The following SUPV3L1 variants were observed in gnomAD, a reference collection of about 807,000 sequenced individuals.
SUPV3L1 encodes the protein ATP-dependent RNA helicase SUPV3L1, mitochondrial.
SUPV3L1 carries 35 observed loss-of-function variants against 70.0 expected under a neutral mutation model. The ratio of observed to expected loss-of-function variants is 0.50; its 90% CI spans 0.38 to 0.66. The LOEUF is 0.66. Among genes scored for constraint, SUPV3L1 ranks in the 30% least tolerant of loss-of-function variants. The probability of loss-of-function intolerance (pLI) is 0.00; values close to 1 mark genes in which losing one functional copy is unlikely to be tolerated. For missense variants in SUPV3L1, 777 were observed against 961.5 expected (o/e 0.81, Z 2.54); for synonymous variants, 364 against 341.9 (o/e 1.06, Z -0.71).
At position 69,180,254 on chromosome 10, in the gene SUPV3L1, CCG is replaced by C. The variant is rs1842007589; in HGVS notation, c.-35_-34del. 6.3e-7 allele frequency: 1 copy of C among 1,588,246 alleles called. No individual in the cohort carries two copies. Among genetic ancestry groups the C allele is most frequent in the Non-Finnish European group, 8.6e-7 (1 of 1,165,236 alleles). ...TGCGCGTCACTGTCCGCCGCCGTGT[CCG>C]CGGCTGCGCCAGACAGTGTAGAACC... On this transcript the variant is annotated 5_prime_UTR_variant, in exon 1 of 15. Coordinates refer to ENST00000359655, the MANE Select transcript of SUPV3L1 (RefSeq NM_003171.5).
intron 8 of SUPV3L1, 110 bp from the exon 9 acceptor site, chr10:69,198,262 C>T (rs1842593643): frequency 1.1e-6 from 1 of 878,632 alleles, no homozygotes; most frequent in Middle Eastern, 2.5e-4. Flanking sequence ...AACATTGGTA[C>T]TTATCAGTTT....
Position 69,180,235 on chromosome 10 carries a change from T to C in SUPV3L1, c.-57T>C. ...GGACAGCAGGCGCTGGAGGTGCGCG[T>C]CACTGTCCGCCGCCGTGTCCGCGGC... On this transcript the variant is annotated 5_prime_UTR_variant, in exon 1 of 15. Transcript: ENST00000359655. 1 of 1,567,658 alleles carries C rather than the reference T, an allele frequency of 6.4e-7. No homozygotes were observed.
At chr10:69,207,759 C>G in intron 13 of SUPV3L1, 34 bp from the exon 14 acceptor site, 4 of 1,590,098 alleles carry the variant, frequency 2.5e-6, no homozygotes, top group Non-Finnish European at 3.4e-6. Context: ...AATTCTGACA[C>G]TTCTCTGAAA....
chr10:69,180,725 A>G (rs1398544902), intron 1 of SUPV3L1, among the ~76,000 whole-genome samples, 163 bp downstream of exon 1: 1 of 152,114 alleles, frequency 6.6e-6, no homozygotes, highest in African/African-American at 2.4e-5. Context: ...GAGCCCCTCA[A>G]ACGGCTTAGG....
intron 5 of SUPV3L1, 44 bp downstream of exon 5, chr10:69,189,479 CT>C (rs1564702573): frequency 6.5e-7 from 1 of 1,532,102 alleles, no homozygotes; most frequent in Non-Finnish European, 8.8e-7. Flanking sequence ...TCTTAATTTT[CT>C]TTTTTGGTGG....
intron 9 of SUPV3L1, 119 bp from the exon 10 acceptor site, chr10:69,198,985 A>T: frequency 1.4e-6 from 1 of 725,282 alleles, no homozygotes; most frequent in South Asian, 1.9e-5. Flanking sequence ...AGTTTGAAAC[A>T]GTAAAGGTTT....
At chr10:69,195,708 A>G (rs1229686833) in intron 7 of SUPV3L1, among the ~76,000 whole-genome samples, 1 of 151,914 alleles carries the variant, frequency 6.6e-6, no homozygotes, top group African/African-American at 2.4e-5. Flanking sequence ...TTTTTTCCCT[A>G]TTACTAATAA....
chr10:69,187,340 C>CCTTTTTTTTT (rs1842257971), intron 3 of SUPV3L1: 1 of 98,990 alleles, frequency 1.0e-5, no homozygotes. Flanking sequence ...TTCTTTTCTT[C>CCTTTTTTTTT]CTTTTTTTTT....
In SUPV3L1 at chr10:69,189,315, C is replaced by G. The variant is rs1212662057; in HGVS notation, c.621C>G (p.Gly207=). 1 of 1,613,916 alleles carries G rather than the reference C, an allele frequency of 6.2e-7. No individual in the cohort carries two copies. Among genetic ancestry groups the G allele is most frequent in the Non-Finnish European group, 8.5e-7 (1 of 1,179,992 alleles). Residue 207 remains glycine, a synonymous_variant, in exon 5 of 15, where the codon GGC becomes GGG. Transcript: ENST00000359655. ...AGCGGAAGATAATATTTCATTCAGG[C>G]CCCACAAACAGTGGAAAGACTTATC... ...AMQRKIIFHS[G]PTNSGKTYHA...
At position 69,183,914 on chromosome 10, in the gene SUPV3L1, A is replaced by AATCCAC. The variant is rs139917415; in HGVS notation, c.272-2070_272-2065dup. On this transcript the variant is annotated intron_variant, in intron 1 of 14. Transcript: ENST00000359655. ...TTTTTTTTAGCTCCAGATAACCACTAATCCACATTCTGTCTGTTGATTTGC... is the reference window on the plus strand; with the variant it reads ...TTTTTTTTAGCTCCAGATAACCACTAATCCACATCCACATTCTGTCTGTTGATTTGC... Among the ~76,000 whole-genome samples the AATCCAC allele has an allele frequency of 5.3e-3, 789 of 148,650 alleles. 8 individuals carry two copies. Among genetic ancestry groups the AATCCAC allele is most frequent in the African/African-American group, 0.019 (762 of 40,286 alleles).
chr10:69,190,901 C>A (rs1402646723), intron 5 of SUPV3L1, among the ~76,000 whole-genome samples: 1 of 152,256 alleles, frequency 6.6e-6, no homozygotes, highest in East Asian at 1.9e-4. Flanking sequence ...GTCCTCCATT[C>A]TGGGGAACCC....
At chr10:69,187,321 C>CT (rs200287859) in intron 3 of SUPV3L1, 41 of 83,788 alleles carry the variant, frequency 4.9e-4, no homozygotes, top group South Asian at 8.6e-4. Flanking sequence ...GACTTTTCTA[C>CT]TTTTTTTTTT....
At chr10:69,204,433 A>G (rs1263960619) in intron 13 of SUPV3L1, among the ~76,000 whole-genome samples, 4 of 152,170 alleles carry the variant, frequency 2.6e-5, no homozygotes, top group Non-Finnish European at 5.9e-5. Context: ...TTTAAATAAC[A>G]TAAATAGTCC....
intron 3 of SUPV3L1, 79 bp downstream of exon 3, chr10:69,186,629 A>G (rs1254823098): frequency 1.6e-6 from 2 of 1,267,124 alleles, no homozygotes; most frequent in Non-Finnish European, 2.3e-6. Flanking sequence ...ATTTCTCTAG[A>G]AGGGCTTATT....
At chr10:69,200,200 T>C (rs568642477) in intron 10 of SUPV3L1, 80 bp from the exon 11 acceptor site, 43 of 1,165,626 alleles carry the variant, frequency 3.7e-5, no homozygotes, top group Admixed American at 1.1e-4. Flanking sequence ...AAGCTAGTAT[T>C]GGAGTGAGCA....
chr10:69,199,948 G>A (rs1002163578), intron 10 of SUPV3L1, among the ~76,000 whole-genome samples: 4 of 152,044 alleles, frequency 2.6e-5, no homozygotes, highest in African/African-American at 4.8e-5. Flanking sequence ...GGGCTCAAGC[G>A]GTCTTTGTGC....
chr10:69,180,887 G>C (rs1213066347), intron 1 of SUPV3L1, among the ~76,000 whole-genome samples: 1 of 152,144 alleles, frequency 6.6e-6, no homozygotes, highest in Admixed American at 6.6e-5. Context: ...TGCATTCTTT[G>C]TTTCTCTCCC....
chr10:69,199,341 G>C, intron 10 of SUPV3L1, 144 bp downstream of exon 10: 1 of 657,488 alleles, frequency 1.5e-6, no homozygotes, highest in Non-Finnish European at 2.6e-6. Context: ...GGTTTGTCTT[G>C]CCTACACCTA....
At chr10:69,189,000 C>T (rs770911294) in intron 4 of SUPV3L1, among the ~76,000 whole-genome samples, 16 of 152,086 alleles carry the variant, frequency 1.1e-4, no homozygotes, top group Non-Finnish European at 1.5e-4. Context: ...TTTTAGTAAC[C>T]GCTGAGAAAA....
Sources: gnomAD v4.1 joint callset for allele counts (sites outside exome capture counted in the v4.1 genomes callset) on GRCh38, gnomAD v4.1.1 for gene constraint, MANE v1.5 for transcripts, NCBI Gene and HGNC (gene_info 2026-07-23, HGNC 2026-07-21) for gene names.